RFX2: variants seen among roughly 807,000 people sequenced by gnomAD.
RFX2 encodes the protein DNA-binding protein RFX2.
In RFX2, 20 loss-of-function variants were observed where a neutral mutation model predicts 87.8. The ratio of observed to expected loss-of-function variants is 0.23; its 90% CI spans 0.16 to 0.33. RFX2 has a LOEUF of 0.33. Among genes scored for constraint, RFX2 ranks in the 10% least tolerant of loss-of-function variants. The probability of loss-of-function intolerance (pLI) is 1.00; values close to 1 mark genes in which losing one functional copy is unlikely to be tolerated. For missense variants in RFX2, 767 were observed against 1,012.3 expected (o/e 0.76, Z 3.29); for synonymous variants, 397 against 431.3 (o/e 0.92, Z 0.98).
chr19:5,999,441 T>C lies in RFX2; in HGVS notation c.1860-2228A>G, dbSNP rs1165132805. The stretch of plus-strand genomic sequence containing the variant: ...ATTCTTCCGCTTGCAACCTTCCCTC[T>C]GTCCATGGAGACTGGCATCGGCATC... On this transcript the variant is annotated intron_variant, in intron 15 of 17. Transcript: ENST00000303657. This position sits in a 1 kb window ranked among gnomAD's most constrained non-coding sequence, Gnocchi z 4.1. Among the ~76,000 whole-genome samples the C allele has an allele frequency of 6.6e-6, 1 of 152,074 alleles. No individual in the cohort carries two copies. The highest frequency in any genetic ancestry group is 1.5e-5 in the Non-Finnish European group (1 of 68,008).
At chr19:6,032,164 C>T (rs1394566305) in intron 5 of RFX2, among the ~76,000 whole-genome samples, 1 of 152,080 alleles carries the variant, frequency 6.6e-6, no homozygotes, top group African/African-American at 2.4e-5. Flanking sequence ...GCTTTGTCGC[C>T]ATACTGCAGT....
intron 1 of RFX2, among the ~76,000 whole-genome samples, chr19:6,108,771 T>A (rs2088260722): frequency 6.6e-6 from 1 of 152,104 alleles, no homozygotes; most frequent in African/African-American, 2.4e-5. Context: ...CCCTCCCCAT[T>A]CTTGCCGCAC....
chr19:6,043,367 T>G (rs1183818743), intron 3 of RFX2, among the ~76,000 whole-genome samples: 1 of 152,234 alleles, frequency 6.6e-6, no homozygotes, highest in African/African-American at 2.4e-5. Flanking sequence ...CACAGTCACC[T>G]GACAAATGCC....
At chr19:6,033,729 C>A (rs1364902128) in intron 5 of RFX2, among the ~76,000 whole-genome samples, 1 of 149,056 alleles carries the variant, frequency 6.7e-6, no homozygotes, top group African/African-American at 2.5e-5. Context: ...CTAATGTGAA[C>A]GGGACTGTAG....
Position 6,013,120 on chromosome 19 carries a change from T to A in RFX2, c.780-15A>T. The A allele has an allele frequency of 6.3e-7, 1 of 1,578,906 alleles. No homozygotes were observed. The highest frequency in any genetic ancestry group is 8.6e-7 in the Non-Finnish European group (1 of 1,163,528). ...TCGAGTTGCCCCTGGAAACCAAACA[T>A]CCCAGGGTCAGCTCCCTTTGCAGAT... On this transcript the variant is annotated splice_polypyrimidine_tract_variant and intron_variant, in intron 7 of 17. Coordinates refer to ENST00000303657, the MANE Select transcript of RFX2 (RefSeq NM_000635.4). This position sits in a 1 kb window ranked among gnomAD's most constrained non-coding sequence, Gnocchi z 4.1.
In RFX2 at chr19:6,066,164, A is replaced by C. The variant is rs554395140; in HGVS notation, c.-8-18660T>G. Among the ~76,000 whole-genome samples the C allele has an allele frequency of 3.5e-3, 531 of 152,258 alleles. 2 individuals are homozygous for C. Among genetic ancestry groups the C allele is most frequent in the African/African-American group, 0.012 (484 of 41,540 alleles). ...TGATCAAAATCCAACCTGTGGCTGC[A>C]AAGTGCCCATCAACAGGGCACTTTG... On this transcript the variant is annotated intron_variant, in intron 1 of 17. Coordinates refer to ENST00000303657, the MANE Select transcript of RFX2 (RefSeq NM_000635.4).
chr19:6,075,661 G>C (rs1280240671), intron 1 of RFX2, among the ~76,000 whole-genome samples: 1 of 152,180 alleles, frequency 6.6e-6, no homozygotes, highest in African/African-American at 2.4e-5. Context: ...CCCGTGGTCT[G>C]GGGAGAGACA....
At position 6,011,004 on chromosome 19, in the gene RFX2, G is replaced by A. The variant is rs1019971419; in HGVS notation, c.900-753C>T. On this transcript the variant is annotated intron_variant, in intron 8 of 17. Transcript: ENST00000303657. The surrounding 1 kb of genome is among the most constrained non-coding windows in gnomAD (Gnocchi z 4.8). ...GGTGGCGCATGCCTTTAATCCCAGC[G>A]ACTCAGGAGGCTGAGGCAGGAGAAT... 3.3e-5 allele frequency among the ~76,000 whole-genome samples: 5 copies of A among 151,910 alleles called. No homozygotes were observed. Among genetic ancestry groups the A allele is most frequent in the Non-Finnish European group, 5.9e-5 (4 of 67,982 alleles).
At chr19:6,093,723 G>GA (rs202135175) in intron 1 of RFX2, among the ~76,000 whole-genome samples, 2,408 of 142,236 alleles carry the variant, frequency 0.017, 61 homozygotes, top group African/African-American at 0.058. Flanking sequence ...TTTTGAAGAA[G>GA]AAAAAAAAAA....
At position 6,056,106 on chromosome 19, in the gene RFX2, C is replaced by T. The variant is rs1445407743; in HGVS notation, c.-8-8602G>A. On this transcript the variant is annotated intron_variant, in intron 1 of 17. Transcript: ENST00000303657. The surrounding 1 kb of genome is among the most constrained non-coding windows in gnomAD (Gnocchi z 4.6). ...GATGGACGCATTCTGTATGATAATA[C>T]AGTGTGCGGTTACATGGAGTCGTGA... 5.3e-5 allele frequency among the ~76,000 whole-genome samples: 8 copies of T among 152,082 alleles called. No individual in the cohort carries two copies. The highest frequency in any genetic ancestry group is 4.6e-4 in the Admixed American group (7 of 15,268).
In RFX2 at chr19:6,044,220, G is replaced by A; in HGVS notation, c.153C>T (p.Leu51=). 1 of 1,579,204 alleles carries A rather than the reference G, an allele frequency of 6.3e-7. No homozygotes were observed. Among genetic ancestry groups the A allele is most frequent in the Non-Finnish European group, 8.6e-7 (1 of 1,162,938 alleles). ...GCTGGGGTACCTGCTGAACTCTGGG[G>A]AGGGAGATCGGCTGCATCTGGGCCC... is the stretch of plus-strand genomic sequence containing the variant. The part of the protein sequence containing the change: ...PKGAQMQPIS[L]PRVQQVPQQV... The change falls in exon 3 of 18, where the codon CTC becomes CTT. Residue 51 remains leucine, a synonymous_variant. Coordinates refer to ENST00000303657, the MANE Select transcript of RFX2 (RefSeq NM_000635.4). The surrounding 1 kb of genome is among the most constrained non-coding windows in gnomAD (Gnocchi z 5.3).
Position 6,010,106 on chromosome 19 carries a change from C to A in RFX2, c.1015+30G>T, listed in dbSNP as rs545479673. On this transcript the variant is annotated intron_variant, in intron 9 of 17. Transcript: ENST00000303657. This position sits in a 1 kb window ranked among gnomAD's most constrained non-coding sequence, Gnocchi z 5.0. Reference sequence around the variant, plus strand: ...AGGAGTGTGGCGAGCAGATGGGAGCCCCGCCCCCGGGCCTGACCGGGCCTC... The same window carrying A: ...AGGAGTGTGGCGAGCAGATGGGAGCACCGCCCCCGGGCCTGACCGGGCCTC... 4.2e-6 allele frequency: 6 copies of A among 1,427,988 alleles called. No homozygotes were observed. Among genetic ancestry groups the A allele is most frequent in the East Asian group, 5.0e-5 (2 of 39,800 alleles). The allele number at this position is 1,427,988 out of a possible 1,614,324, so 88.5% of individuals were successfully genotyped here. A position where few individuals can be genotyped will look rare whatever the true frequency, so the allele number is the denominator to read the frequency against.
At chr19:6,067,229 A>C (rs1324780029) in intron 1 of RFX2, among the ~76,000 whole-genome samples, 3 of 152,214 alleles carry the variant, frequency 2.0e-5, no homozygotes, top group Non-Finnish European at 4.4e-5. Context: ...GGCGAAGTAA[A>C]ATGAATCATG....
At chr19:6,036,521 G>C (rs1371120879) in intron 5 of RFX2, among the ~76,000 whole-genome samples, 1 of 152,048 alleles carries the variant, frequency 6.6e-6, no homozygotes, top group Non-Finnish European at 1.5e-5. Context: ...CAGAGACAAG[G>C]CTAAACCACC....
At chr19:6,048,411 G>A (rs976390417) in intron 1 of RFX2, among the ~76,000 whole-genome samples, 1 of 152,104 alleles carries the variant, frequency 6.6e-6, no homozygotes, top group Admixed American at 6.5e-5. Flanking sequence ...GCTAAAAGTC[G>A]AACAGTCTTC....
At position 6,004,994 on chromosome 19, in the gene RFX2, C is replaced by G. The variant is rs572731883; in HGVS notation, c.1403-696G>C. On this transcript the variant is annotated intron_variant, in intron 12 of 17. Coordinates refer to ENST00000303657, the MANE Select transcript of RFX2 (RefSeq NM_000635.4). The surrounding 1 kb of genome is among the most constrained non-coding windows in gnomAD (Gnocchi z 4.8). ...ATGATCTGGACGTGGCGGTGGGTGC[C>G]TGTAGTCCCAGCTATTTGGGAGGCT... Among the ~76,000 whole-genome samples, 8 of 152,052 alleles carry G rather than the reference C, an allele frequency of 5.3e-5. No individual in the cohort carries two copies. The highest frequency in any genetic ancestry group is 7.4e-5 in the Non-Finnish European group (5 of 68,020).
At position 5,999,010 on chromosome 19, in the gene RFX2, C is replaced by G. The variant is rs1368312473; in HGVS notation, c.1860-1797G>C. 6.6e-6 allele frequency among the ~76,000 whole-genome samples: 1 copy of G among 152,216 alleles called. No individual in the cohort carries two copies. Among genetic ancestry groups the G allele is most frequent in the Non-Finnish European group, 1.5e-5 (1 of 68,048 alleles). ...GTGGCTCATGACTGGAATCGCAGCACTTTGGGAGGCTGAGGCAGGTGGATC... is the reference window on the plus strand; with the variant it reads ...GTGGCTCATGACTGGAATCGCAGCAGTTTGGGAGGCTGAGGCAGGTGGATC... On this transcript the variant is annotated intron_variant, in intron 15 of 17. Coordinates refer to ENST00000303657, the MANE Select transcript of RFX2 (RefSeq NM_000635.4). The surrounding 1 kb of genome is among the most constrained non-coding windows in gnomAD (Gnocchi z 4.1).
rs554955080 is a variant in RFX2 at position 6,006,596 on chromosome 19, T to C, written c.1402+416A>G. The stretch of plus-strand genomic sequence containing the variant: ...TCCCTAGTAGCTGGGACTACAGGCG[T>C]GTGCCACCATGCCCGGCTAAATCTT... On this transcript the variant is annotated intron_variant, in intron 12 of 17. Coordinates refer to ENST00000303657, the MANE Select transcript of RFX2 (RefSeq NM_000635.4). Among the ~76,000 whole-genome samples, 133 of 151,458 alleles carry C rather than the reference T, an allele frequency of 8.8e-4. 1 individual carries two copies. Among genetic ancestry groups the C allele is most frequent in the African/African-American group, 3.1e-3 (126 of 41,214 alleles).
chr19:6,005,983 C>T (rs1427479316), intron 12 of RFX2, among the ~76,000 whole-genome samples: 2 of 152,210 alleles, frequency 1.3e-5, no homozygotes, highest in Non-Finnish European at 2.9e-5. Context: ...TCCCAGAGGC[C>T]GGCCTGCATG....
Sources: allele counts gnomAD v4.1 joint callset (sites outside exome capture counted in the v4.1 genomes callset), GRCh38; gene constraint gnomAD v4.1.1; non-coding constraint Gnocchi (gnomAD v3.1); transcripts MANE v1.5; gene names NCBI Gene and HGNC (gene_info 2026-07-23, HGNC 2026-07-21).